AKR1D1: variants seen among roughly 807,000 people sequenced by gnomAD.
AKR1D1 encodes delta(4)-3-ketosteroid 5-beta-reductase.
In AKR1D1, 32 loss-of-function variants were observed where a neutral mutation model predicts 42.6. The observed-to-expected ratio is 0.75, with a 90% CI of 0.57 to 1.01. The LOEUF (loss-of-function observed/expected upper bound fraction) is 1.01, where lower values mean the gene tolerates loss of function less well. Ranked by LOEUF, AKR1D1 falls within the 50% of genes least tolerant of loss-of-function variation. The pLI is 0.00. For missense variants in AKR1D1, 364 were observed against 402.2 expected, an observed-to-expected ratio of 0.91 and a Z score of 0.81; for synonymous variants, 123 against 135.5, an observed-to-expected ratio of 0.91 and a Z score of 0.64.
intron 3 of AKR1D1, among the ~76,000 whole-genome samples, chr7:138,093,788 T>C (rs1055944580): frequency 5.9e-5 from 9 of 152,248 alleles, no homozygotes; most frequent in African/African-American, 1.7e-4. Context: ...AAGTATTATA[T>C]ACTATACATG....
chr7:138,095,968 A>T (rs973732961), intron 3 of AKR1D1, among the ~76,000 whole-genome samples: 5 of 151,688 alleles, frequency 3.3e-5, no homozygotes, highest in African/African-American at 1.2e-4. Context: ...TGGGAGGCCA[A>T]GGCAGGTGGA....
In AKR1D1 at chr7:138,093,957, A is replaced by G. The variant is rs1794136236; in HGVS notation, c.378+2073A>G. On this transcript the variant is annotated intron_variant, in intron 3 of 8. Coordinates refer to ENST00000242375, the MANE Select transcript of AKR1D1 (RefSeq NM_005989.4). Reference sequence around the variant, plus strand: ...GCAGTCCACCATTGACCAAAATGTCATTATGCAGCACATGACTCTACTTAA... The same window carrying G: ...GCAGTCCACCATTGACCAAAATGTCGTTATGCAGCACATGACTCTACTTAA... Among the ~76,000 whole-genome samples, 2 of 152,204 alleles carry G rather than the reference A, an allele frequency of 1.3e-5. 1 individual carries two copies.
intron 2 of AKR1D1, 38 bp from the exon 3 acceptor site, chr7:138,091,730 G>A (rs761875858): frequency 6.9e-7 from 1 of 1,449,842 alleles, no homozygotes. Context: ...TAAAAAGCGT[G>A]TAGACATTAG....
chr7:138,081,193 C>T (rs1014893794), intron 1 of AKR1D1, among the ~76,000 whole-genome samples: 11 of 152,140 alleles, frequency 7.2e-5, no homozygotes, highest in African/African-American at 2.7e-4. Context: ...GGAATGTCTA[C>T]TTCATGTATG....
intron 1 of AKR1D1, among the ~76,000 whole-genome samples, chr7:138,079,302 G>C (rs1803005068): frequency 6.6e-6 from 1 of 152,116 alleles, no homozygotes; most frequent in South Asian, 2.1e-4. Flanking sequence ...TCTACCTAAG[G>C]GGACCAGGGG....
intron 8 of AKR1D1, among the ~76,000 whole-genome samples, chr7:138,114,813 A>G (rs1349406674): frequency 2.0e-5 from 3 of 152,086 alleles, no homozygotes; most frequent in Non-Finnish European, 4.4e-5. Context: ...TCACCTGAAT[A>G]TTCATCTTCA....
intron 4 of AKR1D1, among the ~76,000 whole-genome samples, chr7:138,102,080 G>A (rs1794329695): frequency 1.3e-5 from 2 of 152,034 alleles, no homozygotes; most frequent in South Asian, 2.1e-4. Context: ...GCATAGTGGC[G>A]CCCATCTATA....
chr7:138,103,233 C>CA (rs200174547), intron 4 of AKR1D1, among the ~76,000 whole-genome samples: 3 of 150,888 alleles, frequency 2.0e-5, no homozygotes, highest in Non-Finnish European at 4.4e-5. Context: ...ACAGATGCTC[C>CA]AAAAAAAATG....
chr7:138,114,049 C>T (rs1475491009), intron 8 of AKR1D1, among the ~76,000 whole-genome samples: 3 of 152,150 alleles, frequency 2.0e-5, no homozygotes, highest in African/African-American at 4.8e-5. Flanking sequence ...AGAATTAATT[C>T]ATCATGTACA....
chr7:138,090,720 C>T (rs1794054192), intron 2 of AKR1D1, among the ~76,000 whole-genome samples: 1 of 151,882 alleles, frequency 6.6e-6, no homozygotes, highest in African/African-American at 2.4e-5. Flanking sequence ...ACTGATATTC[C>T]AAAAGATGTA....
At chr7:138,096,573 CACAGCAATTCCCAATAAGAA>C (rs1170288761) in intron 3 of AKR1D1, among the ~76,000 whole-genome samples, 2 of 152,198 alleles carry the variant, frequency 1.3e-5, no homozygotes, top group African/African-American at 4.8e-5. Flanking sequence ...ACATTTAAAC[CACAGCAATTCCCAATAAGAA>C]AATCCCTATT....
chr7:138,084,304 C>G (rs1413763100), intron 1 of AKR1D1, among the ~76,000 whole-genome samples: 1 of 145,570 alleles, frequency 6.9e-6, no homozygotes, highest in Non-Finnish European at 1.5e-5. Context: ...GCTCCAACAC[C>G]CAGGCTGAAG....
At chr7:138,090,636 CAAAAA>C (rs201055784) in intron 2 of AKR1D1, among the ~76,000 whole-genome samples, 1 of 91,480 alleles carries the variant, frequency 1.1e-5, no homozygotes, top group African/African-American at 3.6e-5. Flanking sequence ...GACCCCGTCT[CAAAAA>C]AAAAAAAAAA....
intron 3 of AKR1D1, among the ~76,000 whole-genome samples, chr7:138,095,210 T>G (rs1449392459): frequency 6.6e-6 from 1 of 152,198 alleles, no homozygotes; most frequent in Admixed American, 6.5e-5. Flanking sequence ...GAATTCATGA[T>G]GGAGGCATAA....
chr7:138,087,917 G>T (rs544763935), intron 1 of AKR1D1, among the ~76,000 whole-genome samples: 1 of 149,292 alleles, frequency 6.7e-6, no homozygotes, highest in Non-Finnish European at 1.5e-5. Flanking sequence ...TTGAGACAGG[G>T]TCTGTCTATG....
intron 1 of AKR1D1, among the ~76,000 whole-genome samples, chr7:138,082,373 T>TA (rs1328334744): frequency 6.6e-6 from 1 of 151,986 alleles, no homozygotes; most frequent in Non-Finnish European, 1.5e-5. Context: ...TTCTTTTTTT[T>TA]TTATTTTAAT....
intron 7 of AKR1D1, among the ~76,000 whole-genome samples, chr7:138,107,855 T>TG (rs1562938132): frequency 1.3e-5 from 2 of 152,196 alleles, no homozygotes; most frequent in African/African-American, 4.8e-5. Context: ...TAAATTTTTT[T>TG]TTTGTTTGTT....
chr7:138,115,303 A>C (rs935594108), intron 8 of AKR1D1, among the ~76,000 whole-genome samples: 1 of 152,148 alleles, frequency 6.6e-6, no homozygotes, highest in Non-Finnish European at 1.5e-5. Context: ...ATAAGCCATC[A>C]TGGTGGCATG....
At chr7:138,087,163 C>T (rs952837272) in intron 1 of AKR1D1, among the ~76,000 whole-genome samples, 3 of 152,170 alleles carry the variant, frequency 2.0e-5, no homozygotes, top group Non-Finnish European at 4.4e-5. Context: ...GGCCCAGTCT[C>T]TCACTTCCAA....
Sources: allele counts gnomAD v4.1 joint callset (sites outside exome capture counted in the v4.1 genomes callset), GRCh38; gene constraint gnomAD v4.1.1; transcripts MANE v1.5; gene names NCBI Gene and HGNC (gene_info 2026-07-23, HGNC 2026-07-21).